PDE3A: variants seen among roughly 807,000 people sequenced by gnomAD.
PDE3A encodes phosphodiesterase 3A, also known as cGMP-inhibited 3',5'-cyclic phosphodiesterase 3A.
Under a neutral mutation model 98.3 loss-of-function variants are expected in PDE3A, and 43 were observed. The ratio of observed to expected loss-of-function variants is 0.44; its 90% CI spans 0.34 to 0.56. The LOEUF (loss-of-function observed/expected upper bound fraction) is 0.56. PDE3A is among the 20% of genes least tolerant of loss of function. PDE3A has a pLI of 0.01. For synonymous variants in PDE3A, 663 were observed against 567.9 expected (o/e 1.17, Z -2.38); for missense variants, 1,427 against 1,440.7 (o/e 0.99, Z 0.15).
rs147629008 is a variant in PDE3A, at chr12:20,674,568, C to A, written c.3185-5462C>A. The stretch of plus-strand genomic sequence containing the variant: ...ATAGATGCAAAAAAGCATTTTTATG[C>A]GAAGTCACCCAGTACTGAACTTTTT... On this transcript the variant is annotated intron_variant, in intron 15 of 15. Coordinates refer to ENST00000359062, the MANE Select transcript of PDE3A (RefSeq NM_000921.5). Among the ~76,000 whole-genome samples the A allele has an allele frequency of 2.0e-5, 3 of 152,158 alleles. No individual in the cohort carries two copies. The East Asian group carries it at 5.8e-4, about 29-fold the overall frequency.
At chr12:20,411,876 G>C (rs930223792) in intron 1 of PDE3A, among the ~76,000 whole-genome samples, 1 of 151,966 alleles carries the variant, frequency 6.6e-6, no homozygotes, top group African/African-American at 2.4e-5. Context: ...AAAAATTACC[G>C]TGTGCTTAAA....
intron 2 of PDE3A, among the ~76,000 whole-genome samples, chr12:20,579,676 G>C (rs974571239): frequency 2.0e-5 from 3 of 152,032 alleles, no homozygotes; most frequent in African/African-American, 7.2e-5. Flanking sequence ...CTCCCCTATT[G>C]CCTCATGTAG....
At chr12:20,457,935 A>C (rs775439687) in intron 1 of PDE3A, among the ~76,000 whole-genome samples, 1 of 152,122 alleles carries the variant, frequency 6.6e-6, no homozygotes, top group Admixed American at 6.6e-5. Context: ...TTATTTATAC[A>C]GTTAGATATT....
chr12:20,440,081 T>C (rs1188714227), intron 1 of PDE3A, among the ~76,000 whole-genome samples: 1 of 152,184 alleles, frequency 6.6e-6, no homozygotes, highest in Non-Finnish European at 1.5e-5. Flanking sequence ...AGTCATTGTA[T>C]GATATAAATC....
intron 1 of PDE3A, among the ~76,000 whole-genome samples, chr12:20,520,923 G>T (rs1278403408): frequency 6.6e-6 from 1 of 152,184 alleles, no homozygotes; most frequent in Non-Finnish European, 1.5e-5. Context: ...ACTGAGGGAG[G>T]AGATCCAGAG....
At chr12:20,632,309 C>T (rs566488651) in intron 6 of PDE3A, among the ~76,000 whole-genome samples, 4 of 152,220 alleles carry the variant, frequency 2.6e-5, no homozygotes, top group Admixed American at 6.5e-5. Flanking sequence ...TATGCAGATA[C>T]GGTCTACCTA....
chr12:20,612,553 T>A (rs1943886287), intron 2 of PDE3A, among the ~76,000 whole-genome samples: 1 of 143,944 alleles, frequency 6.9e-6, no homozygotes, highest in Admixed American at 7.1e-5. Flanking sequence ...CTTTTAATCG[T>A]ACAACTTTAT....
intron 1 of PDE3A, among the ~76,000 whole-genome samples, chr12:20,524,293 G>A (rs1194364625): frequency 6.6e-6 from 1 of 152,154 alleles, no homozygotes; most frequent in African/African-American, 2.4e-5. Context: ...AAACTGCAAG[G>A]TATTGTAACG....
chr12:20,393,340 T>C (rs1475073469), intron 1 of PDE3A, among the ~76,000 whole-genome samples: 1 of 151,898 alleles, frequency 6.6e-6, no homozygotes, highest in African/African-American at 2.4e-5. Context: ...TTTCTCCTTA[T>C]AAAACCATCA....
intron 1 of PDE3A, chr12:20,449,570 T>G: frequency 2.4e-5 from 7 of 290,318 alleles, no homozygotes; most frequent in Admixed American, 9.4e-5. Flanking sequence ...AGTCCTTCCA[T>G]GTGGGGTATC....
intron 1 of PDE3A, among the ~76,000 whole-genome samples, chr12:20,375,226 G>T (rs1449239462): frequency 2.0e-5 from 3 of 151,970 alleles, no homozygotes; most frequent in Non-Finnish European, 4.4e-5. Flanking sequence ...TGCACCTAAA[G>T]ATGTGTTCCA....
intron 1 of PDE3A, among the ~76,000 whole-genome samples, chr12:20,452,041 G>A (rs1216158877): frequency 1.3e-5 from 2 of 152,104 alleles, no homozygotes; most frequent in African/African-American, 4.8e-5. Flanking sequence ...TGCTCCGATA[G>A]GTCTCAGCTT....
intron 1 of PDE3A, among the ~76,000 whole-genome samples, chr12:20,409,477 G>C (rs548776097): frequency 2.0e-5 from 3 of 152,158 alleles, no homozygotes; most frequent in Non-Finnish European, 4.4e-5. Context: ...ACTATGTAGA[G>C]AGAACATTTT....
chr12:20,433,958 T>C (rs1277446780), intron 1 of PDE3A, among the ~76,000 whole-genome samples: 1 of 152,090 alleles, frequency 6.6e-6, no homozygotes, highest in African/African-American at 2.4e-5. Context: ...AGTGGAAAAA[T>C]TGGGTGATCG....
intron 1 of PDE3A, among the ~76,000 whole-genome samples, chr12:20,483,756 A>T (rs12307673): frequency 0.03 from 4,591 of 152,276 alleles, 236 homozygotes; most frequent in African/African-American, 0.1. Flanking sequence ...AAAAATTTGG[A>T]GGGAAAGATA....
intron 1 of PDE3A, among the ~76,000 whole-genome samples, chr12:20,538,543 T>C (rs911510972): frequency 6.6e-6 from 1 of 152,114 alleles, no homozygotes; most frequent in Non-Finnish European, 1.5e-5. Flanking sequence ...CCCATTGCCA[T>C]CTCTATGAGA....
chr12:20,597,378 G>A (rs992799088), intron 2 of PDE3A, among the ~76,000 whole-genome samples: 11 of 152,156 alleles, frequency 7.2e-5, no homozygotes, highest in African/African-American at 2.7e-4. Flanking sequence ...TTGGATCTAT[G>A]AGACTTATAG....
At chr12:20,551,921 G>A (rs979186783) in intron 1 of PDE3A, 5 of 1,613,198 alleles carry the variant, frequency 3.1e-6, no homozygotes, top group Non-Finnish European at 4.2e-6. Context: ...ACCATGTGGC[G>A]GTTCCGAGTC....
At chr12:20,546,811 A>C (rs528471426) in intron 1 of PDE3A, among the ~76,000 whole-genome samples, 1 of 152,152 alleles carries the variant, frequency 6.6e-6, no homozygotes, top group South Asian at 2.1e-4. Context: ...TATTCTATAA[A>C]TTCTTGTTGT....
Sources: gnomAD v4.1 joint callset for allele counts (sites outside exome capture counted in the v4.1 genomes callset) on GRCh38, gnomAD v4.1.1 for gene constraint, MANE v1.5 for transcripts, NCBI Gene and HGNC (gene_info 2026-07-23, HGNC 2026-07-21) for gene names.